The following NAALADL2 variants were observed in gnomAD, a reference collection of about 807,000 sequenced individuals.
NAALADL2 encodes N-acetylated alpha-linked acidic dipeptidase like 2.
In NAALADL2, 76 loss-of-function variants were observed where a neutral mutation model predicts 87.2. The ratio of observed to expected loss-of-function variants is 0.87; its 90% CI spans 0.72 to 1.05. NAALADL2 has a LOEUF of 1.05. Ranked by LOEUF, NAALADL2 falls within the 50% of genes least tolerant of loss-of-function variation. NAALADL2 has a pLI of 0.00. For missense variants in NAALADL2, 1,089 were observed against 945.8 expected (o/e 1.15, Z -1.99); for synonymous variants, 354 against 331.0 (o/e 1.07, Z -0.75).
At chr3:175,085,141 G>A (rs1381714028) in intron 1 of NAALADL2, among the ~76,000 whole-genome samples, 1 of 152,100 alleles carries the variant, frequency 6.6e-6, no homozygotes, top group Non-Finnish European at 1.5e-5. Flanking sequence ...TGTCATTATG[G>A]CAGAGTGGTT....
At chr3:175,409,755 A>T (rs1443168098) in intron 5 of NAALADL2, among the ~76,000 whole-genome samples, 2 of 151,948 alleles carry the variant, frequency 1.3e-5, no homozygotes, top group East Asian at 3.8e-4. Flanking sequence ...TTTCAGAGCA[A>T]TTTTTTCTTG....
At chr3:175,246,900 T>C (rs1748093007) in intron 3 of NAALADL2, among the ~76,000 whole-genome samples, 1 of 152,282 alleles carries the variant, frequency 6.6e-6, no homozygotes, top group African/African-American at 2.4e-5. Flanking sequence ...TTTAGTTCTA[T>C]TGGAATGAAT....
intron 5 of NAALADL2, among the ~76,000 whole-genome samples, chr3:175,445,747 C>T (rs1418224693): frequency 2.0e-5 from 3 of 152,122 alleles, no homozygotes; most frequent in Non-Finnish European, 4.4e-5. Flanking sequence ...TCCCTTTAAG[C>T]TAATAATTGT....
At chr3:175,560,707 C>T (rs535751682) in intron 9 of NAALADL2, among the ~76,000 whole-genome samples, 5 of 152,266 alleles carry the variant, frequency 3.3e-5, no homozygotes, top group South Asian at 2.1e-4. Context: ...CTGCAACCTC[C>T]GCCTCCCGGG....
intron 2 of NAALADL2, among the ~76,000 whole-genome samples, chr3:174,734,745 T>C (rs918958050): frequency 2.0e-5 from 3 of 152,054 alleles, no homozygotes; most frequent in Non-Finnish European, 2.9e-5. Context: ...CACTTCTAAA[T>C]TGGTGAATTT....
chr3:175,341,686 T>C (rs1388404773), intron 5 of NAALADL2, among the ~76,000 whole-genome samples: 1 of 152,136 alleles, frequency 6.6e-6, no homozygotes, highest in Non-Finnish European at 1.5e-5. Context: ...TTTTCTGTTG[T>C]GGTTTGTTAT....
intron 1 of NAALADL2, among the ~76,000 whole-genome samples, chr3:174,501,142 G>A (rs1415637449): frequency 7.3e-6 from 1 of 137,110 alleles, no homozygotes; most frequent in Admixed American, 6.9e-5. Flanking sequence ...GCAGTGGCGG[G>A]ATCTCGGCTC....
chr3:175,254,772 A>T (rs1344556677), intron 3 of NAALADL2, among the ~76,000 whole-genome samples: 1 of 152,182 alleles, frequency 6.6e-6, no homozygotes, highest in Non-Finnish European at 1.5e-5. Context: ...ACAGTTATTT[A>T]TATGGTAATG....
At chr3:175,565,830 T>G (rs58710918) in intron 9 of NAALADL2, among the ~76,000 whole-genome samples, 8 of 64,816 alleles carry the variant, frequency 1.2e-4, no homozygotes, top group South Asian at 7.7e-4. Context: ...GCCCCCCCCC[T>G]TTTTTTTTTT....
At chr3:175,788,068 A>T (rs1752307241) in intron 13 of NAALADL2, among the ~76,000 whole-genome samples, 1 of 150,318 alleles carries the variant, frequency 6.7e-6, no homozygotes, top group African/African-American at 2.5e-5. Flanking sequence ...TGCCTTACAC[A>T]GGTGTACAGT....
chr3:174,918,746 A>G (rs529242392), intron 1 of NAALADL2, among the ~76,000 whole-genome samples: 124 of 152,280 alleles, frequency 8.1e-4, no homozygotes, highest in African/African-American at 2.9e-3. Context: ...TTGGTCACAG[A>G]AGTCACAAAA....
intron 2 of NAALADL2, among the ~76,000 whole-genome samples, chr3:174,571,860 G>A (rs1357116326): frequency 6.6e-6 from 1 of 152,098 alleles, no homozygotes; most frequent in East Asian, 1.9e-4. Context: ...TGAATAAATT[G>A]AATTACTCAA....
intron 5 of NAALADL2, among the ~76,000 whole-genome samples, chr3:175,427,653 CA>C (rs1326022930): frequency 6.6e-6 from 1 of 152,148 alleles, no homozygotes; most frequent in Admixed American, 6.6e-5. Flanking sequence ...TAGCCATCAT[CA>C]AATGTAAATT....
intron 2 of NAALADL2, among the ~76,000 whole-genome samples, chr3:174,580,784 G>A (rs893092758): frequency 1.3e-5 from 2 of 151,934 alleles, no homozygotes; most frequent in African/African-American, 4.8e-5. Context: ...TCAGCTTTGG[G>A]CTATGAACAT....
chr3:175,296,491 CTGCT>C, intron 4 of NAALADL2, among the ~76,000 whole-genome samples: 1 of 152,266 alleles, frequency 6.6e-6, no homozygotes, highest in African/African-American at 2.4e-5. Flanking sequence ...ATATTCATTT[CTGCT>C]TAAAAGCCAC....
intron 2 of NAALADL2, among the ~76,000 whole-genome samples, chr3:175,154,734 T>C (rs954373074): frequency 2.0e-5 from 3 of 152,130 alleles, no homozygotes; most frequent in East Asian, 1.9e-4. Flanking sequence ...GAATTAATGA[T>C]GGATGTCTTT....
chr3:174,772,310 G>C (rs1714671603), intron 3 of NAALADL2, among the ~76,000 whole-genome samples: 1 of 152,098 alleles, frequency 6.6e-6, no homozygotes, highest in African/African-American at 2.4e-5. Context: ...TGGAGAAAAA[G>C]AGAAATGTAT....
At chr3:175,731,992 T>C (rs1743821463) in intron 11 of NAALADL2, among the ~76,000 whole-genome samples, 1 of 152,186 alleles carries the variant, frequency 6.6e-6, no homozygotes. Flanking sequence ...TTTTTATAAA[T>C]AATTTATTTT....
intron 11 of NAALADL2, among the ~76,000 whole-genome samples, chr3:175,648,392 TA>T (rs1360009172): frequency 6.6e-6 from 1 of 151,852 alleles, no homozygotes; most frequent in Non-Finnish European, 1.5e-5. Context: ...AAACTGGATA[TA>T]ATTCATATTT....
Sources: gnomAD v4.1 joint callset for allele counts (sites outside exome capture counted in the v4.1 genomes callset) on GRCh38, gnomAD v4.1.1 for gene constraint, MANE v1.5 for transcripts, NCBI Gene and HGNC (gene_info 2026-07-23, HGNC 2026-07-21) for gene names.